The following GNA12 variants were observed in gnomAD, a reference collection of about 807,000 sequenced individuals.
The protein encoded by GNA12 is G protein subunit alpha 12, also known as guanine nucleotide-binding protein subunit alpha-12.
In GNA12, 9 loss-of-function variants were observed where a neutral mutation model predicts 26.0. The ratio of observed to expected loss-of-function variants is 0.35; its 90% CI spans 0.21 to 0.60. The LOEUF (loss-of-function observed/expected upper bound fraction) is 0.60, where lower values mean the gene tolerates loss of function less well. GNA12 is among the 20% of genes least tolerant of loss of function. GNA12 has a pLI of 0.78. For synonymous variants in GNA12, 264 were observed against 219.6 expected (o/e 1.20, Z -1.79); for missense variants, 405 against 525.8 (o/e 0.77, Z 2.25).
At chr7:2,740,275 C>G (rs1006633511) in intron 2 of GNA12, among the ~76,000 whole-genome samples, 9 of 152,240 alleles carry the variant, frequency 5.9e-5, no homozygotes, top group Middle Eastern at 6.8e-3. Context: ...TGTGGAAGCC[C>G]TACCTGCAGT....
intron 2 of GNA12, among the ~76,000 whole-genome samples, chr7:2,769,957 T>G (rs1177684824): frequency 1.3e-5 from 2 of 152,060 alleles, no homozygotes; most frequent in Non-Finnish European, 2.9e-5. Flanking sequence ...TTTTAAATCA[T>G]GGGGGGGCAA....
At chr7:2,793,283 C>T (rs773178629) in intron 2 of GNA12, among the ~76,000 whole-genome samples, 4 of 143,164 alleles carry the variant, frequency 2.8e-5, no homozygotes, top group Admixed American at 1.4e-4. Context: ...CAGACAGGAG[C>T]GCGAGAGGAA....
intron 2 of GNA12, among the ~76,000 whole-genome samples, chr7:2,778,570 C>G (rs1460080154): frequency 2.0e-5 from 3 of 152,162 alleles, no homozygotes; most frequent in Non-Finnish European, 4.4e-5. Context: ...GAGTTCAGAC[C>G]CCTGGCTCTC....
rs115782957 is a variant in GNA12 at position 2,739,402 on chromosome 7, T to C, written c.526-5901A>G. On this transcript the variant is annotated intron_variant, in intron 2 of 3. Coordinates refer to ENST00000275364, the MANE Select transcript of GNA12 (RefSeq NM_007353.3). Reference sequence around the variant, plus strand: ...CAGCATGCAGCCCTTTGTGTCTGGTTCTTTTACTTGGTGCGGCATTTCCGA... The same window carrying C: ...CAGCATGCAGCCCTTTGTGTCTGGTCCTTTTACTTGGTGCGGCATTTCCGA... Among the ~76,000 whole-genome samples the C allele has an allele frequency of 2.0e-3, 307 of 152,352 alleles. 1 individual carries two copies. Among genetic ancestry groups the C allele is most frequent in the African/African-American group, 7.2e-3 (299 of 41,584 alleles).
intron 1 of GNA12, among the ~76,000 whole-genome samples, chr7:2,835,378 T>C (rs149331651): frequency 6.8e-4 from 103 of 152,328 alleles, no homozygotes; most frequent in East Asian, 5.8e-3. Flanking sequence ...AACTAGGCTG[T>C]TCCCCACACC....
At chr7:2,799,798 C>T (rs1412787759) in intron 1 of GNA12, among the ~76,000 whole-genome samples, 3 of 152,076 alleles carry the variant, frequency 2.0e-5, no homozygotes, top group African/African-American at 2.4e-5. Context: ...AAAAGCAGAT[C>T]GAGACCTCAG....
intron 2 of GNA12, chr7:2,764,770 G>C (rs1029123233): frequency 6.6e-6 from 1 of 152,238 alleles, no homozygotes; most frequent in Non-Finnish European, 1.5e-5. Flanking sequence ...AGCATCTGAA[G>C]TCCCTCTCAT....
Position 2,731,091 on chromosome 7 carries a change from C to T in GNA12, c.*90G>A, listed in dbSNP as rs1789864319. The T allele has an allele frequency of 1.0e-5, 9 of 874,970 alleles. No homozygotes were observed. In the South Asian group the frequency reaches 1.4e-4, roughly 14 times the overall value. The allele number at this position is 874,970 out of a possible 1,614,324, so 54.2% of individuals were successfully genotyped here. A position where few individuals can be genotyped will look rare whatever the true frequency, so the allele number is the denominator to read the frequency against. On this transcript the variant is annotated 3_prime_UTR_variant, in exon 4 of 4. Coordinates refer to ENST00000275364, the MANE Select transcript of GNA12 (RefSeq NM_007353.3). The surrounding 1 kb of genome is among the most constrained non-coding windows in gnomAD (Gnocchi z 6.0). ...CCAGGGCACGGATCCGAGAAACCCA[C>T]TCAAGGACCACACAGACAACACACA...
intron 1 of GNA12, among the ~76,000 whole-genome samples, chr7:2,797,880 AC>A (rs1037670583): frequency 1.3e-5 from 2 of 152,068 alleles, no homozygotes; most frequent in Non-Finnish European, 2.9e-5. Flanking sequence ...GCAGTATCTG[AC>A]CCCCAGAAAC....
intron 2 of GNA12, among the ~76,000 whole-genome samples, chr7:2,786,241 T>C (rs377648558): frequency 2.4e-4 from 36 of 152,134 alleles, no homozygotes; most frequent in Non-Finnish European, 4.1e-4. Context: ...GATGTCATCA[T>C]TGGGGGGAGA....
chr7:2,805,131 G>A (rs1162090551), intron 1 of GNA12, among the ~76,000 whole-genome samples: 1 of 152,090 alleles, frequency 6.6e-6, no homozygotes, highest in Non-Finnish European at 1.5e-5. Context: ...ACCGACCAAG[G>A]TGCCAAATAA....
chr7:2,753,374 C>T (rs1050812910), intron 2 of GNA12, among the ~76,000 whole-genome samples: 2 of 128,678 alleles, frequency 1.6e-5, no homozygotes, highest in African/African-American at 5.7e-5. Context: ...TGGTCTTAAA[C>T]TACTGGGCTC....
chr7:2,834,962 G>A (rs746245105), intron 1 of GNA12, among the ~76,000 whole-genome samples: 1 of 151,500 alleles, frequency 6.6e-6, no homozygotes, highest in Admixed American at 6.6e-5. Context: ...TATGCATCGC[G>A]ATGCATGACT....
chr7:2,753,007 C>T (rs557941189), intron 2 of GNA12, among the ~76,000 whole-genome samples: 1 of 152,354 alleles, frequency 6.6e-6, no homozygotes, highest in East Asian at 1.9e-4. Flanking sequence ...ATAATCACAG[C>T]CATCCTCCTT....
At chr7:2,839,250 T>C (rs1778922596) in intron 1 of GNA12, among the ~76,000 whole-genome samples, 1 of 152,098 alleles carries the variant, frequency 6.6e-6, no homozygotes, top group Non-Finnish European at 1.5e-5. Context: ...TTCTTTTTTT[T>C]TGAGGCAGGA....
chr7:2,729,852 AC>A lies in GNA12; in HGVS notation c.*1328del, dbSNP rs1253808644. ...GCTTGGAATGCAATGTATTTTAAAC[AC>A]AGTGAAAGCCACCTGGCAGGTAGCT... On this transcript the variant is annotated 3_prime_UTR_variant, in exon 4 of 4. Transcript: ENST00000275364. 2 of 152,460 alleles carry A rather than the reference AC, an allele frequency of 1.3e-5. No individual in the cohort carries two copies. The highest frequency in any genetic ancestry group is 2.9e-5 in the Non-Finnish European group (2 of 68,096). The allele number at this position is 152,460 out of a possible 1,614,324, so 9.4% of individuals were successfully genotyped here.
chr7:2,812,367 C>T (rs570138370), intron 1 of GNA12, among the ~76,000 whole-genome samples: 12 of 152,280 alleles, frequency 7.9e-5, no homozygotes, highest in Non-Finnish European at 1.6e-4. Context: ...CGGTGGCTCA[C>T]GCCTGTAATC....
intron 1 of GNA12, among the ~76,000 whole-genome samples, chr7:2,821,592 A>T (rs939947696): frequency 6.6e-6 from 1 of 152,250 alleles, no homozygotes; most frequent in African/African-American, 2.4e-5. Flanking sequence ...AATTCACCCC[A>T]AACGGTGTGC....
At chr7:2,761,061 C>G (rs968658752) in intron 2 of GNA12, among the ~76,000 whole-genome samples, 1 of 152,214 alleles carries the variant, frequency 6.6e-6, no homozygotes, top group Admixed American at 6.5e-5. Flanking sequence ...TAAACGGAGT[C>G]AGGAACGTAG....
Sources: gnomAD v4.1 joint callset for allele counts (sites outside exome capture counted in the v4.1 genomes callset) on GRCh38, gnomAD v4.1.1 for gene constraint, Gnocchi (gnomAD v3.1) non-coding constraint, MANE v1.5 for transcripts, NCBI Gene and HGNC (gene_info 2026-07-23, HGNC 2026-07-21) for gene names.